The following PDLIM4 variants were observed in gnomAD, a reference collection of about 807,000 sequenced individuals.
PDLIM4 encodes the protein PDZ and LIM domain 4.
In PDLIM4, 19 loss-of-function variants were observed where a neutral mutation model predicts 31.3. The observed-to-expected ratio is 0.61, with a 90% CI of 0.42 to 0.89. The LOEUF is 0.89. Ranked by LOEUF, PDLIM4 falls within the 40% of genes least tolerant of loss-of-function variation. The pLI is 0.00. For synonymous variants in PDLIM4, 176 were observed against 190.1 expected, an observed-to-expected ratio of 0.93 and a Z score of 0.61; for missense variants, 442 against 461.1, an observed-to-expected ratio of 0.96 and a Z score of 0.38.
chr5:132,263,372 C>T (rs1345766046), intron 2 of PDLIM4, among the ~76,000 whole-genome samples: 3 of 152,180 alleles, frequency 2.0e-5, no homozygotes, highest in Non-Finnish European at 2.9e-5. Flanking sequence ...CACCTCTGCC[C>T]TGGTTAAATC....
Position 132,271,855 on chromosome 5 carries a change from G to A in PDLIM4, c.735G>A (p.Pro245=), listed in dbSNP as rs750840954. The A allele has an allele frequency of 6.2e-7, 1 of 1,612,184 alleles. No homozygotes were observed. ...LKPTASKLGA[P]LSGLQGLPEC... ...CCACGGCCAGCAAGCTGGGCGCTCCGCTGAGCGGCCTGCAGGGGCTGCCCG... is the reference window on the plus strand; with the variant it reads ...CCACGGCCAGCAAGCTGGGCGCTCCACTGAGCGGCCTGCAGGGGCTGCCCG... The change falls in exon 6 of 7, where the codon CCG becomes CCA. Residue 245 remains proline (P), a synonymous_variant. Transcript: ENST00000253754.
intron 5 of PDLIM4, 158 bp from the exon 6 acceptor site, chr5:132,271,633 C>G (rs1472847779): frequency 1.1e-6 from 1 of 923,492 alleles, no homozygotes; most frequent in Admixed American, 1.9e-5. Context: ...TTCCCGATTC[C>G]CTCTCCACCC....
chr5:132,257,898 AC>A lies in PDLIM4; in HGVS notation c.93+74del. On this transcript the variant is annotated intron_variant, in intron 1 of 6. Coordinates refer to ENST00000253754, the MANE Select transcript of PDLIM4 (RefSeq NM_003687.4). This position sits in a 1 kb window ranked among gnomAD's most constrained non-coding sequence, Gnocchi z 4.3. The stretch of plus-strand genomic sequence containing the variant: ...ACCGGGTTCTCGCGGTCCGCCCGGG[AC>A]CCAGATCCCCTGTGTATCCGAGGCT... The A allele has an allele frequency of 1.2e-6, 1 of 865,726 alleles. No homozygotes were observed. The highest frequency in any genetic ancestry group is 1.7e-6 in the Non-Finnish European group (1 of 605,090). The allele number at this position is 865,726 out of a possible 1,614,324, so 53.6% of individuals were successfully genotyped here.
In PDLIM4 at chr5:132,271,819, G is replaced by T. The variant is rs748354504; in HGVS notation, c.699G>T (p.Arg233=). ...ATTGGCCCGGGCCTGGCGGCCCCCGGAACCTCAAGCCCACGGCCAGCAAGC... is the reference window on the plus strand; with the variant it reads ...ATTGGCCCGGGCCTGGCGGCCCCCGTAACCTCAAGCCCACGGCCAGCAAGC... ...GGDWPGPGGP[R]NLKPTASKLG... The change falls in exon 6 of 7, where the codon CGG becomes CGT. Residue 233 remains arginine, a synonymous_variant. Transcript: ENST00000253754. 6.2e-7 allele frequency: 1 copy of T among 1,612,944 alleles called. No homozygotes were observed. The highest frequency in any genetic ancestry group is 8.5e-7 in the Non-Finnish European group (1 of 1,179,552).
chr5:132,271,537 C>A, intron 5 of PDLIM4, 71 bp downstream of exon 5: 1 of 1,491,328 alleles, frequency 6.7e-7, no homozygotes, highest in African/African-American at 1.4e-5. Context: ...CCCTAGCGAC[C>A]CCACGTCCCG....
Position 132,262,710 on chromosome 5 carries a change from A to C in PDLIM4, c.195A>C (p.Ala65=). The change falls in exon 2 of 7, where the codon GCA becomes GCC. Residue 65 remains alanine (A), a synonymous_variant. Coordinates refer to ENST00000253754, the MANE Select transcript of PDLIM4 (RefSeq NM_003687.4). The part of the protein sequence containing the change: ...ESTELMTHLE[A]QNRIKGCHDH... ...CAGAGCTCATGACACACCTGGAGGC[A>C]CAGAACCGCATCAAGGGCTGCCACG... is the stretch of plus-strand genomic sequence containing the variant. 1 of 1,613,844 alleles carries C rather than the reference A, an allele frequency of 6.2e-7. No homozygotes were observed. The highest frequency in any genetic ancestry group is 8.5e-7 in the Non-Finnish European group (1 of 1,179,858).
At chr5:132,271,702 T>G in intron 5 of PDLIM4, 89 bp from the exon 6 acceptor site, 1 of 1,062,246 alleles carries the variant, frequency 9.4e-7, no homozygotes, top group Non-Finnish European at 1.5e-6. Flanking sequence ...CGGGTGCCGA[T>G]GGCCCGTCTG....
intron 3 of PDLIM4, chr5:132,266,799 G>C (rs1286920357): frequency 1.1e-5 from 4 of 376,894 alleles, no homozygotes; most frequent in Admixed American, 9.1e-5. Flanking sequence ...TGATGTCCAG[G>C]ATCTGGGCTA....
chr5:132,265,562 A>G (rs866587765), intron 2 of PDLIM4, among the ~76,000 whole-genome samples: 2 of 152,172 alleles, frequency 1.3e-5, no homozygotes, highest in Admixed American at 1.3e-4. Context: ...GTGAGTATGG[A>G]CCATAGGCAT....
chr5:132,263,590 A>C (rs1185575693), intron 2 of PDLIM4, among the ~76,000 whole-genome samples: 1 of 152,144 alleles, frequency 6.6e-6, no homozygotes, highest in Non-Finnish European at 1.5e-5. Context: ...AGCCTGGCTG[A>C]GTGGGATCTC....
Position 132,262,730 on chromosome 5 carries a change from G to A in PDLIM4, c.215G>A (p.Cys72Tyr). The change falls in exon 2 of 7, where the codon TGC becomes TAC. Residue 72 changes from cysteine (C) to tyrosine (Y), a missense_variant. Cys to Tyr is a radical substitution (Grantham distance 194). Transcript: ENST00000253754. ...GAGGCACAGAACCGCATCAAGGGCT[G>A]CCACGATCACCTCACACTGTCTGTG... is the stretch of plus-strand genomic sequence containing the variant. ...HLEAQNRIKG[C>Y]HDHLTLSVSR... The A allele has an allele frequency of 1.2e-6, 2 of 1,613,872 alleles. No individual in the cohort carries two copies. Among genetic ancestry groups the A allele is most frequent in the Non-Finnish European group, 1.7e-6 (2 of 1,179,868 alleles).
In PDLIM4 at chr5:132,272,049, C is replaced by A; in HGVS notation, c.813C>A (p.Asp271Glu). 6.2e-7 allele frequency: 1 copy of A among 1,614,234 alleles called. No homozygotes were observed. ...GGGGCACCATCGTCAAGGCACGGGACAAGCTCTACCATCCCGAGTGCTTCA... is the reference window on the plus strand; with the variant it reads ...GGGGCACCATCGTCAAGGCACGGGAAAAGCTCTACCATCCCGAGTGCTTCA... ...GIVGTIVKAR[D>E]KLYHPECFMC... is the part of the protein sequence containing the mutation. The change falls in exon 7 of 7, where the codon GAC (aspartate) becomes GAA (glutamate). Residue 271 changes from aspartate (D) to glutamate (E), a missense_variant. By Grantham distance (45) the Asp-to-Glu change is conservative. Coordinates refer to ENST00000253754, the MANE Select transcript of PDLIM4 (RefSeq NM_003687.4).
Position 132,272,206 on chromosome 5 carries a change from A to G in PDLIM4, c.970A>G (p.Asn324Asp), listed in dbSNP as rs1482866389. The G allele has an allele frequency of 1.2e-6, 2 of 1,613,990 alleles. No individual in the cohort carries two copies. The highest frequency in any genetic ancestry group is 1.7e-5 in the Admixed American group (1 of 60,010). Residue 324 changes from asparagine to aspartate, a missense_variant, in exon 7 of 7, where the codon AAT becomes GAT. Asn to Asp is a conservative substitution (Grantham distance 23). Transcript: ENST00000253754. ...EGYDVVAVYP[N>D]AKVELV ...CTACGACGTGGTGGCGGTGTACCCCAATGCCAAGGTGGAACTCGTCTGAGC... is the reference window on the plus strand; with the variant it reads ...CTACGACGTGGTGGCGGTGTACCCCGATGCCAAGGTGGAACTCGTCTGAGC...
intron 3 of PDLIM4, among the ~76,000 whole-genome samples, chr5:132,267,331 G>A (rs934838940): frequency 4.6e-5 from 7 of 152,214 alleles, no homozygotes; most frequent in Admixed American, 6.5e-5. Context: ...GCAGGGAGAG[G>A]CTTCACTGAA....
rs144541932 is a variant in PDLIM4, at chr5:132,271,166, C to T, written c.506+73C>T. On this transcript the variant is annotated intron_variant, in intron 4 of 6. Transcript: ENST00000253754. Reference sequence around the variant, plus strand: ...CTTGATCCCTCAAATCTCACCCAGTCCCACTCTGACCCCTGACACTTGATC... The same window carrying T: ...CTTGATCCCTCAAATCTCACCCAGTTCCACTCTGACCCCTGACACTTGATC... 1.3e-5 allele frequency: 19 copies of T among 1,511,602 alleles called. No individual in the cohort carries two copies. In the South Asian group the frequency reaches 1.6e-4, roughly 12 times the overall value. The allele number at this position is 1,511,602 out of a possible 1,614,324, so 93.6% of individuals were successfully genotyped here.
chr5:132,263,256 T>G (rs1403361157), intron 2 of PDLIM4, among the ~76,000 whole-genome samples: 4 of 152,110 alleles, frequency 2.6e-5, no homozygotes, highest in Non-Finnish European at 5.9e-5. Context: ...GGTAGCAAAA[T>G]TTGATTTTGG....
chr5:132,257,818 C>A lies in PDLIM4; in HGVS notation c.84C>A (p.Thr28=). 1.3e-6 allele frequency: 2 copies of A among 1,499,542 alleles called. No homozygotes were observed. 92.9% of individuals were successfully genotyped at this position (1,499,542 alleles called of 1,614,324 possible). The change falls in exon 1 of 7, where the codon ACC becomes ACA. Residue 28 remains threonine (T), a synonymous_variant. Transcript: ENST00000253754. This position sits in a 1 kb window ranked among gnomAD's most constrained non-coding sequence, Gnocchi z 4.3. ...GCCGGGACTTCAGCGCGCCCCTCAC[C>A]ATCTCACGGGTGAGTCTGGCGGCTG... ...VGGRDFSAPL[T]ISRVHAGSKA...
intron 3 of PDLIM4, among the ~76,000 whole-genome samples, chr5:132,268,247 G>A (rs904373179): frequency 6.6e-5 from 10 of 152,200 alleles, no homozygotes; most frequent in Non-Finnish European, 1.5e-4. Flanking sequence ...TGGGCTCCAT[G>A]GGTGGTGACA....
chr5:132,258,988 C>T (rs1756308631), intron 1 of PDLIM4, among the ~76,000 whole-genome samples: 1 of 152,100 alleles, frequency 6.6e-6, no homozygotes, highest in Admixed American at 6.5e-5. Context: ...TCATGGAATC[C>T]CGTTTCTGGG....
Sources: allele counts gnomAD v4.1 joint callset (sites outside exome capture counted in the v4.1 genomes callset), GRCh38; gene constraint gnomAD v4.1.1; non-coding constraint Gnocchi (gnomAD v3.1); transcripts MANE v1.5; gene names NCBI Gene and HGNC (gene_info 2026-07-23, HGNC 2026-07-21).